The following IQSEC1 variants were observed in gnomAD, a reference collection of about 807,000 sequenced individuals.
IQSEC1 encodes IQ motif and SEC7 domain-containing protein 1.
In IQSEC1, 31 loss-of-function variants were observed where a neutral mutation model predicts 91.0. That is an observed-to-expected ratio of 0.34 (90% confidence interval 0.26 to 0.46). The LOEUF (loss-of-function observed/expected upper bound fraction) is 0.46, where lower values mean the gene tolerates loss of function less well. Among genes scored for constraint, IQSEC1 ranks in the 20% least tolerant of loss-of-function variants. The pLI is 1.00. For missense variants in IQSEC1, 1,388 were observed against 1,575.6 expected (o/e 0.88, Z 2.02); for synonymous variants, 699 against 662.6 (o/e 1.05, Z -0.84).
At chr3:13,070,731 A>G (rs1361160276) in intron 1 of IQSEC1, among the ~76,000 whole-genome samples, 1 of 152,232 alleles carries the variant, frequency 6.6e-6, no homozygotes, top group African/African-American at 2.4e-5. Flanking sequence ...GGGAGTCACA[A>G]TGCTCAGACT....
chr3:13,097,714 G>A (rs966765862), intron 2 of IQSEC1, among the ~76,000 whole-genome samples: 2 of 152,224 alleles, frequency 1.3e-5, no homozygotes, highest in Admixed American at 6.5e-5. Context: ...TGATTGATGA[G>A]TAAGAATGAG....
At chr3:13,218,571 T>G (rs368714581) in intron 1 of IQSEC1, among the ~76,000 whole-genome samples, 2 of 152,314 alleles carry the variant, frequency 1.3e-5, no homozygotes, top group East Asian at 3.9e-4. Flanking sequence ...AACTCATGAC[T>G]GGGGAAAAGG....
In IQSEC1 at chr3:13,207,819, T is replaced by C. The variant is rs1366621674; in HGVS notation, c.273-43686A>G. 1.3e-5 allele frequency among the ~76,000 whole-genome samples: 2 copies of C among 152,174 alleles called. No individual in the cohort carries two copies. Among genetic ancestry groups the C allele is most frequent in the African/African-American group, 4.8e-5 (2 of 41,428 alleles). On this transcript the variant is annotated intron_variant, in intron 1 of 15. Coordinates refer to the IQSEC1 transcript ENST00000648114. The surrounding 1 kb of genome is among the most constrained non-coding windows in gnomAD (Gnocchi z 4.8). The stretch of plus-strand genomic sequence containing the variant: ...CGGCCACGTGGTCCGGCCAGCCTTG[T>C]GTGGTCCCCATACACTGACCAGCCT...
At chr3:12,941,932 G>T in intron 1 of IQSEC1, 67 bp from the exon 2 acceptor site, 1 of 1,395,762 alleles carries the variant, frequency 7.2e-7, no homozygotes, top group Non-Finnish European at 9.6e-7. Context: ...CCGGGCCGTG[G>T]GGCGTGACCC....
At chr3:13,131,959 T>C (rs1364842182) in intron 2 of IQSEC1, among the ~76,000 whole-genome samples, 4 of 152,226 alleles carry the variant, frequency 2.6e-5, no homozygotes, top group Admixed American at 1.3e-4. Flanking sequence ...TTAGTGGGCT[T>C]TTCTGCTAAT....
intron 3 of IQSEC1, among the ~76,000 whole-genome samples, chr3:12,934,747 A>G (rs529396406): frequency 6.6e-6 from 1 of 152,234 alleles, no homozygotes; most frequent in East Asian, 1.9e-4. Context: ...AGTCTGCTTT[A>G]AATACCCATC....
chr3:13,088,146 G>A (rs1705768127), intron 2 of IQSEC1, among the ~76,000 whole-genome samples: 1 of 152,116 alleles, frequency 6.6e-6, no homozygotes, highest in South Asian at 2.1e-4. Flanking sequence ...TTTACCATCT[G>A]TTTCTCACAC....
At chr3:13,176,541 G>T (rs1043744803) in intron 1 of IQSEC1, among the ~76,000 whole-genome samples, 1 of 152,178 alleles carries the variant, frequency 6.6e-6, no homozygotes, top group African/African-American at 2.4e-5. Context: ...TCTAAACACA[G>T]ATCATCAGTT....
chr3:13,010,437 T>C, intron 1 of IQSEC1, among the ~76,000 whole-genome samples: 1 of 152,266 alleles, frequency 6.6e-6, no homozygotes, highest in South Asian at 2.1e-4. Context: ...AAGCTAACCA[T>C]GGAGAGTCGA....
chr3:12,902,872 G>A (rs756727351), intron 12 of IQSEC1, 50 bp from the exon 13 acceptor site: 2 of 1,369,312 alleles, frequency 1.5e-6, no homozygotes, highest in Non-Finnish European at 2.1e-6. Context: ...TGAGGCTGGG[G>A]GTGCTGCCTG....
At chr3:13,158,792 T>C (rs1230695263) in intron 2 of IQSEC1, among the ~76,000 whole-genome samples, 1 of 151,962 alleles carries the variant, frequency 6.6e-6, no homozygotes, top group African/African-American at 2.4e-5. Context: ...CAAAACCCTG[T>C]CTCTACTAAA....
intron 2 of IQSEC1, among the ~76,000 whole-genome samples, chr3:13,129,385 T>G (rs1706568888): frequency 1.3e-5 from 2 of 152,218 alleles, no homozygotes; most frequent in African/African-American, 4.8e-5. Flanking sequence ...TCTGGATCGG[T>G]CTGACCACAG....
In IQSEC1 at chr3:13,193,327, T is replaced by G. The variant is rs1384808471; in HGVS notation, c.273-29194A>C. 1.3e-5 allele frequency among the ~76,000 whole-genome samples: 2 copies of G among 152,184 alleles called. No homozygotes were observed. The highest frequency in any genetic ancestry group is 1.3e-4 in the Admixed American group (2 of 15,288). ...CATTTCCGGCCTGTGGCAATGTCTT[T>G]TACATTCTGAATACATATTTGGGGG... On this transcript the variant is annotated intron_variant, in intron 1 of 15. Coordinates refer to the IQSEC1 transcript ENST00000648114. The surrounding 1 kb of genome is among the most constrained non-coding windows in gnomAD (Gnocchi z 4.2).
intron 1 of IQSEC1, among the ~76,000 whole-genome samples, chr3:13,012,718 A>G (rs1702938868): frequency 6.6e-6 from 1 of 152,222 alleles, no homozygotes; most frequent in African/African-American, 2.4e-5. Context: ...GTAAGAGTTG[A>G]AAAGTCCAAA....
At chr3:12,966,815 G>A (rs115610155) in intron 1 of IQSEC1, among the ~76,000 whole-genome samples, 3,897 of 152,152 alleles carry the variant, frequency 0.026, 100 homozygotes, top group Non-Finnish European at 0.033. Flanking sequence ...GTTTGTTCAG[G>A]GTCATCCACC....
At chr3:13,092,711 AC>A (rs1313496229) in intron 2 of IQSEC1, among the ~76,000 whole-genome samples, 1 of 152,002 alleles carries the variant, frequency 6.6e-6, no homozygotes, top group Admixed American at 6.5e-5. Context: ...TCCTCTATCA[AC>A]CCCTCTGATG....
chr3:13,179,764 C>T (rs747626115), intron 1 of IQSEC1, among the ~76,000 whole-genome samples: 1 of 152,226 alleles, frequency 6.6e-6, no homozygotes, highest in Non-Finnish European at 1.5e-5. Flanking sequence ...GGGAGAGGTG[C>T]GGGCGGGAAC....
At position 13,085,939 on chromosome 3, in the gene IQSEC1, G is replaced by A. The variant is rs377058928; in HGVS notation, c.303-38417C>T. 2.7e-4 allele frequency among the ~76,000 whole-genome samples: 41 copies of A among 152,334 alleles called. 1 individual carries two copies. The South Asian group carries it at 8.5e-3, about 32-fold the overall frequency. On this transcript the variant is annotated intron_variant, in intron 2 of 15. Coordinates refer to the IQSEC1 transcript ENST00000648114. The stretch of plus-strand genomic sequence containing the variant: ...CACCCGCTATCCTTACCCAGGGAGG[G>A]AATTTGGAAGGTGGCTCCACGCGGC...
At chr3:13,249,952 TC>T (rs1425150849) in intron 1 of IQSEC1, among the ~76,000 whole-genome samples, 1 of 152,228 alleles carries the variant, frequency 6.6e-6, no homozygotes, top group Non-Finnish European at 1.5e-5. Context: ...GGGCTCAGTT[TC>T]CCCACCTGTG....
Sources: allele counts gnomAD v4.1 joint callset (sites outside exome capture counted in the v4.1 genomes callset), GRCh38; gene constraint gnomAD v4.1.1; non-coding constraint Gnocchi (gnomAD v3.1); transcripts MANE v1.5; gene names NCBI Gene and HGNC (gene_info 2026-07-23, HGNC 2026-07-21).